Variants in NEK10 observed in about 807,000 individuals in gnomAD.
NEK10 encodes the protein serine/threonine-protein kinase Nek10.
A neutral mutation model predicts 159.8 loss-of-function variants in NEK10; 122 were observed. That is an observed-to-expected ratio of 0.76 (90% CI 0.66 to 0.89). The LOEUF (loss-of-function observed/expected upper bound fraction) is 0.89. Ranked by LOEUF, NEK10 falls within the 40% of genes least tolerant of loss-of-function variation. The pLI, the probability that NEK10 is intolerant of heterozygous loss-of-function variation, is 0.00. For missense variants in NEK10, 1,342 were observed against 1,323.1 expected (o/e 1.01, Z -0.22); for synonymous variants, 466 against 457.1 (o/e 1.02, Z -0.25).
At chr3:27,253,738 G>C (rs1955894563) in intron 23 of NEK10, among the ~76,000 whole-genome samples, 1 of 152,114 alleles carries the variant, frequency 6.6e-6, no homozygotes, top group Non-Finnish European at 1.5e-5. Context: ...GGGGTGCCTA[G>C]GCATCTCTAT....
chr3:27,191,387 T>C (rs1358002376), intron 26 of NEK10, among the ~76,000 whole-genome samples: 2 of 151,852 alleles, frequency 1.3e-5, no homozygotes, highest in African/African-American at 2.4e-5. Flanking sequence ...CTGATTGTGA[T>C]TGCAACAAAG....
At chr3:27,270,635 C>A (rs1406424228) in intron 22 of NEK10, among the ~76,000 whole-genome samples, 3 of 152,100 alleles carry the variant, frequency 2.0e-5, no homozygotes, top group Non-Finnish European at 2.9e-5. Flanking sequence ...CTATTCCTCC[C>A]GAACAGACTC....
chr3:27,295,206 C>T (rs376615785), intron 15 of NEK10, among the ~76,000 whole-genome samples: 3 of 152,306 alleles, frequency 2.0e-5, no homozygotes, highest in Admixed American at 6.5e-5. Context: ...AATGCCCTTC[C>T]ACCCTGCAGC....
intron 6 of NEK10, among the ~76,000 whole-genome samples, chr3:27,319,060 T>C (rs2045428969): frequency 2.6e-5 from 4 of 152,222 alleles, no homozygotes; most frequent in Admixed American, 2.6e-4. Context: ...ACAGTGTGTC[T>C]CCTGCTAAAA....
chr3:27,174,236 C>T (rs1320013244), intron 28 of NEK10, among the ~76,000 whole-genome samples: 1 of 152,178 alleles, frequency 6.6e-6, no homozygotes, highest in African/African-American at 2.4e-5. Context: ...ATTCATTTGA[C>T]AGCTGAGAAA....
chr3:27,213,991 C>T (rs1951253920), intron 23 of NEK10, among the ~76,000 whole-genome samples: 2 of 152,188 alleles, frequency 1.3e-5, no homozygotes, highest in African/African-American at 4.8e-5. Context: ...TCTATTGCCT[C>T]TAAGGGCAGC....
intron 6 of NEK10, among the ~76,000 whole-genome samples, chr3:27,319,482 T>C (rs1307224280): frequency 6.6e-6 from 1 of 152,204 alleles, no homozygotes; most frequent in East Asian, 1.9e-4. Context: ...GTGTGGTCTA[T>C]TTAAATGGCT....
intron 22 of NEK10, among the ~76,000 whole-genome samples, chr3:27,262,912 T>C (rs1203836631): frequency 2.6e-5 from 4 of 152,198 alleles, no homozygotes; most frequent in Non-Finnish European, 5.9e-5. Context: ...GGCACTCTGA[T>C]TTTTAGAGTT....
chr3:27,140,112 A>G (rs1943637440), intron 31 of NEK10, among the ~76,000 whole-genome samples: 2 of 152,214 alleles, frequency 1.3e-5, no homozygotes, highest in African/African-American at 4.8e-5. Context: ...GGCAGTGGTT[A>G]GTTGACTAGG....
At chr3:27,320,348 C>T (rs887993325) in intron 6 of NEK10, among the ~76,000 whole-genome samples, 14 of 152,172 alleles carry the variant, frequency 9.2e-5, no homozygotes, top group African/African-American at 3.4e-4. Context: ...ACAAACAGAA[C>T]ATCTCTAGGA....
At chr3:27,301,893 T>C (rs1367215716) in intron 12 of NEK10, 58 bp from the exon 13 acceptor site, 1 of 1,333,808 alleles carries the variant, frequency 7.5e-7, no homozygotes, top group Non-Finnish European at 1.0e-6. Context: ...CCGTCAGTCC[T>C]TTCTGTGTCA....
chr3:27,295,785 A>G, intron 14 of NEK10, 95 bp from the exon 15 acceptor site: 4 of 1,391,798 alleles, frequency 2.9e-6, no homozygotes, highest in Non-Finnish European at 3.8e-6. Flanking sequence ...TTAATATCAA[A>G]GAAGAAATAT....
chr3:27,129,467 G>A (rs374656748), intron 32 of NEK10, among the ~76,000 whole-genome samples: 22 of 152,050 alleles, frequency 1.4e-4, no homozygotes, highest in African/African-American at 5.3e-4. Context: ...GGTTACACAG[G>A]GAATGAAAAA....
At chr3:27,195,690 T>G (rs1445109) in intron 25 of NEK10, among the ~76,000 whole-genome samples, 34 of 152,320 alleles carry the variant, frequency 2.2e-4, no homozygotes, top group African/African-American at 8.2e-4. Context: ...CTGCTTACTA[T>G]TTGAGAGTTA....
chr3:27,186,575 A>T (rs925656456), intron 26 of NEK10, among the ~76,000 whole-genome samples: 1 of 152,020 alleles, frequency 6.6e-6, no homozygotes, highest in Non-Finnish European at 1.5e-5. Context: ...TTTGAGGGGG[A>T]AACTGGGGCA....
chr3:27,147,342 C>T (rs1181118246), intron 30 of NEK10, among the ~76,000 whole-genome samples: 1 of 152,162 alleles, frequency 6.6e-6, no homozygotes, highest in Non-Finnish European at 1.5e-5. Context: ...ACAATGGAAA[C>T]TTCCCAACAC....
At chr3:27,244,655 T>A (rs2149272367) in intron 23 of NEK10, among the ~76,000 whole-genome samples, 1 of 152,236 alleles carries the variant, frequency 6.6e-6, no homozygotes, top group Middle Eastern at 3.4e-3. Flanking sequence ...AGCCTGGTGA[T>A]CATTTTTCTT....
chr3:27,174,579 G>A, intron 27 of NEK10, 54 bp from the exon 28 acceptor site: 2 of 1,601,142 alleles, frequency 1.2e-6, no homozygotes, highest in Non-Finnish European at 1.7e-6. Context: ...ACAGGAAGGA[G>A]TCCAGAATAC....
intron 1 of NEK10, among the ~76,000 whole-genome samples, chr3:27,354,197 G>A (rs2048170196): frequency 6.6e-6 from 1 of 152,170 alleles, no homozygotes; most frequent in Admixed American, 6.6e-5. Context: ...AAGCCGCAAT[G>A]ACAAGCACAG....
Sources: gnomAD v4.1 joint callset for allele counts (sites outside exome capture counted in the v4.1 genomes callset) on GRCh38, gnomAD v4.1.1 for gene constraint, MANE v1.5 for transcripts, NCBI Gene and HGNC (gene_info 2026-07-23, HGNC 2026-07-21) for gene names.